The following MCPH1 variants were observed in gnomAD, a reference collection of about 807,000 sequenced individuals.
MCPH1 encodes the protein microcephalin.
A neutral mutation model predicts 84.5 loss-of-function variants in MCPH1; 104 were observed. The observed-to-expected ratio is 1.23, with a 90% CI of 1.05 to 1.45. The LOEUF is 1.45. Ranked by LOEUF, MCPH1 falls within the 40% of genes most tolerant of loss-of-function variation. The pLI, the probability that MCPH1 is intolerant of heterozygous loss-of-function variation, is 0.00. For synonymous variants in MCPH1, 514 were observed against 366.8 expected, an observed-to-expected ratio of 1.40 and a Z score of -4.58; for missense variants, 1,498 against 1,005.7, an observed-to-expected ratio of 1.49 and a Z score of -6.62.
intron 9 of MCPH1, among the ~76,000 whole-genome samples, chr8:6,475,841 A>C (rs1585994207): frequency 1.3e-5 from 2 of 152,278 alleles, no homozygotes; most frequent in East Asian, 1.9e-4. Flanking sequence ...CATACTCCAC[A>C]GTCCATGTGG....
intron 3 of MCPH1, among the ~76,000 whole-genome samples, chr8:6,427,304 G>T (rs1418904198): frequency 6.6e-6 from 1 of 152,150 alleles, no homozygotes. Context: ...CAGTACTATG[G>T]ACTTTATACA....
At chr8:6,617,469 TA>T (rs1280534914) in intron 12 of MCPH1, among the ~76,000 whole-genome samples, 12 of 152,002 alleles carry the variant, frequency 7.9e-5, no homozygotes, top group African/African-American at 2.9e-4. Context: ...TGGGTCAATA[TA>T]TAAATAGATG....
intron 12 of MCPH1, chr8:6,621,165 T>C: frequency 4.4e-6 from 2 of 456,488 alleles, no homozygotes; most frequent in South Asian, 4.3e-5. Context: ...TAACAGTTGC[T>C]TTTCAATATT....
At chr8:6,494,337 T>G (rs917752494) in intron 11 of MCPH1, 2 of 152,214 alleles carry the variant, frequency 1.3e-5, no homozygotes, top group South Asian at 2.1e-4. Context: ...AGAGTATTTT[T>G]TATCTTCTAT....
chr8:6,455,128 C>T lies in MCPH1; in HGVS notation c.1826-15C>T, dbSNP rs768797801. The T allele has an allele frequency of 6.3e-7, 1 of 1,596,546 alleles. No individual in the cohort carries two copies. The highest frequency in any genetic ancestry group is 1.7e-5 in the Admixed American group (1 of 59,990). On this transcript the variant is annotated splice_polypyrimidine_tract_variant and intron_variant, in intron 8 of 13. Coordinates refer to ENST00000344683, the MANE Select transcript of MCPH1 (RefSeq NM_024596.5). Reference sequence around the variant, plus strand: ...TGTAAAGTTCTAACTAATTTTTAATCCCCTTGGGTTTTAGGTGTTAAAAAT... The same window carrying T: ...TGTAAAGTTCTAACTAATTTTTAATTCCCTTGGGTTTTAGGTGTTAAAAAT...
chr8:6,615,042 C>G (rs990908407), intron 12 of MCPH1, among the ~76,000 whole-genome samples: 1 of 152,216 alleles, frequency 6.6e-6, no homozygotes, highest in Admixed American at 6.5e-5. Flanking sequence ...GCTCACACTG[C>G]GTAAGCACGA....
intron 12 of MCPH1, among the ~76,000 whole-genome samples, chr8:6,555,130 T>G (rs1824363459): frequency 6.6e-6 from 1 of 152,218 alleles, no homozygotes; most frequent in Non-Finnish European, 1.5e-5. Context: ...TCTTTTTATT[T>G]ACATCAAATC....
intron 12 of MCPH1, among the ~76,000 whole-genome samples, chr8:6,582,079 G>C (rs1330334185): frequency 2.0e-5 from 3 of 152,178 alleles, no homozygotes; most frequent in African/African-American, 7.2e-5. Context: ...GTCAACATTA[G>C]GTAACCTGCA....
At chr8:6,527,360 A>G (rs17077338) in intron 12 of MCPH1, among the ~76,000 whole-genome samples, 1,766 of 152,332 alleles carry the variant, frequency 0.012, 42 homozygotes, top group African/African-American at 0.04. Context: ...GGTAAAATCC[A>G]GGACTGTGTT....
intron 12 of MCPH1, among the ~76,000 whole-genome samples, chr8:6,519,053 C>G (rs551947916): frequency 2.0e-5 from 3 of 152,296 alleles, no homozygotes; most frequent in East Asian, 1.9e-4. Flanking sequence ...ACTGTCCACT[C>G]ACGTTACATG....
chr8:6,584,896 A>T (rs1046910254), intron 12 of MCPH1, among the ~76,000 whole-genome samples: 3 of 152,214 alleles, frequency 2.0e-5, no homozygotes, highest in Admixed American at 6.5e-5. Context: ...CAAAACAGAG[A>T]TAATCTCAGA....
At chr8:6,458,430 C>T (rs1438595148) in intron 9 of MCPH1, among the ~76,000 whole-genome samples, 2 of 149,690 alleles carry the variant, frequency 1.3e-5, no homozygotes, top group Non-Finnish European at 3.0e-5. Context: ...TGAGATCGTG[C>T]CACTGCATTC....
chr8:6,410,270 G>T (rs559526797), intron 2 of MCPH1, among the ~76,000 whole-genome samples: 1 of 151,784 alleles, frequency 6.6e-6, no homozygotes, highest in Non-Finnish European at 1.5e-5. Context: ...CACCGAGCCC[G>T]GCCAGGAGTA....
intron 5 of MCPH1, among the ~76,000 whole-genome samples, chr8:6,437,323 C>T (rs1436655711): frequency 1.3e-5 from 2 of 152,076 alleles, no homozygotes; most frequent in African/African-American, 4.8e-5. Context: ...CTCCACCTCC[C>T]GGGTTCAAGC....
At chr8:6,456,810 C>G (rs918189302) in intron 9 of MCPH1, among the ~76,000 whole-genome samples, 1 of 152,148 alleles carries the variant, frequency 6.6e-6, no homozygotes, top group African/African-American at 2.4e-5. Context: ...GTGGTATTGC[C>G]TCCCTGTGCC....
chr8:6,510,240 C>G (rs778426102), intron 12 of MCPH1, among the ~76,000 whole-genome samples: 3 of 151,274 alleles, frequency 2.0e-5, no homozygotes, highest in Non-Finnish European at 2.9e-5. Flanking sequence ...CAGGACAGAT[C>G]AGAGCAGGCA....
chr8:6,505,332 TAGAAAGA>T (rs1199063110), intron 12 of MCPH1, among the ~76,000 whole-genome samples: 49 of 56,768 alleles, frequency 8.6e-4, no homozygotes, highest in Non-Finnish European at 1.2e-3. Flanking sequence ...TATATACATA[TAGAAAGA>T]ATATATATAT....
At chr8:6,442,739 T>G (rs1803704778) in intron 7 of MCPH1, among the ~76,000 whole-genome samples, 1 of 152,244 alleles carries the variant, frequency 6.6e-6, no homozygotes, top group Non-Finnish European at 1.5e-5. Context: ...TTTCTTCACC[T>G]AGTCCCCAGT....
At chr8:6,619,975 C>T (rs1189306384) in intron 12 of MCPH1, among the ~76,000 whole-genome samples, 1 of 152,220 alleles carries the variant, frequency 6.6e-6, no homozygotes, top group Admixed American at 6.5e-5. Flanking sequence ...TGCAGCTTGG[C>T]CCCGTGATGC....
Sources: allele counts gnomAD v4.1 joint callset (sites outside exome capture counted in the v4.1 genomes callset), GRCh38; gene constraint gnomAD v4.1.1; transcripts MANE v1.5; gene names NCBI Gene and HGNC (gene_info 2026-07-23, HGNC 2026-07-21).